Variants in TIAM2 observed in about 807,000 individuals in gnomAD.
The protein encoded by TIAM2 is rho guanine nucleotide exchange factor TIAM2.
Under a neutral mutation model 152.9 loss-of-function variants are expected in TIAM2, and 80 were observed. That is an observed-to-expected ratio of 0.52 (90% confidence interval 0.44 to 0.63). TIAM2 has a LOEUF of 0.63. Ranked by LOEUF, TIAM2 falls within the 30% of genes least tolerant of loss-of-function variation. TIAM2 has a pLI of 0.00. For missense variants in TIAM2, 1,965 were observed against 2,120.1 expected (o/e 0.93, Z 1.44); for synonymous variants, 804 against 838.0 (o/e 0.96, Z 0.70).
intron 23 of TIAM2, among the ~76,000 whole-genome samples, chr6:155,252,530 C>T (rs115314849): frequency 3.0e-3 from 450 of 152,228 alleles, no homozygotes; most frequent in African/African-American, 0.01. Flanking sequence ...CATAGAACAT[C>T]GACTTTTATA....
chr6:155,152,135 G>A (rs374822474), intron 7 of TIAM2, among the ~76,000 whole-genome samples: 1 of 152,090 alleles, frequency 6.6e-6, no homozygotes, highest in Admixed American at 6.6e-5. Flanking sequence ...AAGCCACCAC[G>A]GCTAATCTCA....
rs1457703122 is a variant in TIAM2, at chr6:155,140,668, G to A, written c.1630+3056G>A. Among the ~76,000 whole-genome samples, 4 of 151,926 alleles carry A rather than the reference G, an allele frequency of 2.6e-5. No homozygotes were observed. The East Asian group carries it at 7.8e-4, about 29-fold the overall frequency. On this transcript the variant is annotated intron_variant, in intron 5 of 26. Coordinates refer to ENST00000682666, the MANE Select transcript of TIAM2 (RefSeq NM_012454.4). The stretch of plus-strand genomic sequence containing the variant: ...ATAGGTGATGACAAGGAGATTTAGA[G>A]CCGTGCTAGATGGAGGAGGGCATAA...
intron 1 of TIAM2, among the ~76,000 whole-genome samples, chr6:155,065,651 G>A (rs550892792): frequency 1.3e-5 from 2 of 152,220 alleles, no homozygotes; most frequent in African/African-American, 4.8e-5. Context: ...GGTGGTGACT[G>A]TAGTGCCAGC....
intron 1 of TIAM2, among the ~76,000 whole-genome samples, chr6:155,037,187 A>G (rs1162743075): frequency 6.6e-6 from 1 of 152,194 alleles, no homozygotes; most frequent in East Asian, 1.9e-4. Flanking sequence ...CAATGTAGGT[A>G]AATTTTCTGA....
At chr6:155,147,775 G>A (rs1484677886) in intron 6 of TIAM2, among the ~76,000 whole-genome samples, 5 of 152,122 alleles carry the variant, frequency 3.3e-5, no homozygotes, top group African/African-American at 9.7e-5. Flanking sequence ...GTGAGCCACC[G>A]TGCCTGGCCA....
At chr6:155,142,557 C>T (rs1169595869) in intron 5 of TIAM2, among the ~76,000 whole-genome samples, 1 of 152,166 alleles carries the variant, frequency 6.6e-6, no homozygotes, top group African/African-American at 2.4e-5. Context: ...CCCTGGTCCT[C>T]GGGCCCCGGG....
At chr6:155,055,330 C>G (rs1005453997) in intron 1 of TIAM2, among the ~76,000 whole-genome samples, 1 of 152,112 alleles carries the variant, frequency 6.6e-6, no homozygotes, top group African/African-American at 2.4e-5. Flanking sequence ...TACAAAAGTT[C>G]TCCAAAGAAA....
chr6:155,188,415 A>G lies in TIAM2; in HGVS notation c.3064+4915A>G, dbSNP rs1781108235. On this transcript the variant is annotated intron_variant, in intron 14 of 26. Transcript: ENST00000682666. ...ATGAAGTTCCTCTGTTGCCTACAAA[A>G]TGAGTGACCATTTGATTTTGCCTAG... is the stretch of plus-strand genomic sequence containing the variant. 3.9e-5 allele frequency among the ~76,000 whole-genome samples: 6 copies of G among 152,362 alleles called. No individual in the cohort carries two copies. The South Asian group carries it at 1.2e-3, about 32-fold the overall frequency.
intron 1 of TIAM2, among the ~76,000 whole-genome samples, chr6:155,062,115 C>G (rs927680532): frequency 2.6e-5 from 4 of 151,058 alleles, no homozygotes; most frequent in Admixed American, 6.6e-5. Flanking sequence ...CACCACCCCC[C>G]ACTTAGGAAA....
intron 1 of TIAM2, among the ~76,000 whole-genome samples, chr6:155,020,144 G>A (rs537797006): frequency 6.8e-4 from 104 of 152,216 alleles, no homozygotes; most frequent in Middle Eastern, 3.4e-3. Context: ...ATCACTTCCC[G>A]GCTGTGCAGC....
At chr6:155,013,980 T>G (rs1778532802) in intron 1 of TIAM2, 1 of 148,536 alleles carries the variant, frequency 6.7e-6, no homozygotes, top group Non-Finnish European at 1.5e-5. Flanking sequence ...CATTGTATTT[T>G]TGTGTCTACC....
chr6:155,176,480 C>T (rs575697334), intron 9 of TIAM2, among the ~76,000 whole-genome samples: 3 of 152,336 alleles, frequency 2.0e-5, no homozygotes, highest in South Asian at 2.1e-4. Context: ...GTGATCCACC[C>T]GCCTTGGCCT....
chr6:155,082,666 C>CA (rs1554228918), intron 1 of TIAM2, among the ~76,000 whole-genome samples: 1 of 141,348 alleles, frequency 7.1e-6, no homozygotes, highest in Non-Finnish European at 1.5e-5. Context: ...AAAAAAACCC[C>CA]AATAAATAAA....
At chr6:155,223,517 A>ATTTTTTTT (rs11389646) in intron 15 of TIAM2, among the ~76,000 whole-genome samples, 1 of 140,862 alleles carries the variant, frequency 7.1e-6, no homozygotes. Flanking sequence ...ACATCCCCAG[A>ATTTTTTTT]TTTTTTTTTC....
At chr6:155,223,711 A>G (rs1296400935) in intron 15 of TIAM2, among the ~76,000 whole-genome samples, 2 of 151,980 alleles carry the variant, frequency 1.3e-5, no homozygotes, top group Admixed American at 6.6e-5. Context: ...CCAAACTTTT[A>G]TGGATCTCTT....
chr6:155,143,753 C>T (rs574068786), intron 5 of TIAM2, among the ~76,000 whole-genome samples: 1 of 152,246 alleles, frequency 6.6e-6, no homozygotes, highest in Admixed American at 6.5e-5. Context: ...GGCCTGAGTT[C>T]ACATCCCTGC....
At chr6:155,125,139 C>T (rs568263895) in intron 2 of TIAM2, among the ~76,000 whole-genome samples, 71 of 152,024 alleles carry the variant, frequency 4.7e-4, no homozygotes, top group African/African-American at 1.4e-3. Context: ...GGTGTGGTGG[C>T]GGGCACTTGT....
intron 2 of TIAM2, among the ~76,000 whole-genome samples, chr6:155,094,462 G>A (rs1778368169): frequency 6.6e-6 from 1 of 150,918 alleles, no homozygotes; most frequent in African/African-American, 2.4e-5. Context: ...GTATGCCGAA[G>A]TATACTTGTA....
intron 1 of TIAM2, among the ~76,000 whole-genome samples, chr6:155,007,419 C>G (rs1033751168): frequency 2.0e-5 from 3 of 149,584 alleles, no homozygotes; most frequent in Admixed American, 6.7e-5. Flanking sequence ...GAGTCTCGCT[C>G]TGTCGCCCAG....
Sources: allele counts gnomAD v4.1 joint callset (sites outside exome capture counted in the v4.1 genomes callset), GRCh38; gene constraint gnomAD v4.1.1; transcripts MANE v1.5; gene names NCBI Gene and HGNC (gene_info 2026-07-23, HGNC 2026-07-21).